WASHC2C: variants seen among roughly 807,000 people sequenced by gnomAD.
WASHC2C encodes the protein WASH complex subunit 2C, also known as Vaccinia Penetration Factor.
A neutral mutation model predicts 142.2 loss-of-function variants in WASHC2C; 73 were observed. The ratio of observed to expected loss-of-function variants is 0.51; its 90% CI spans 0.43 to 0.62. WASHC2C has a LOEUF of 0.62. Among genes scored for constraint, WASHC2C ranks in the 20% least tolerant of loss-of-function variants. The pLI is 0.00. For synonymous variants in WASHC2C, 337 were observed against 565.5 expected (o/e 0.60, Z 5.73); for missense variants, 969 against 1,531.7 (o/e 0.63, Z 6.13).
At chr10:45,756,283 GT>G (rs1471116683) in intron 15 of WASHC2C, among the ~76,000 whole-genome samples, 1 of 146,166 alleles carries the variant, frequency 6.8e-6, no homozygotes, top group East Asian at 2.0e-4. Context: ...GTGATGAAAG[GT>G]TGGAAACCAC....
At position 45,786,430 on chromosome 10, in the gene WASHC2C, G is replaced by A; in HGVS notation, c.2812-182G>A. Reference sequence around the variant, plus strand: ...AGCTTTCCACTTATGTGACAGAGGAGGAGGCATACGTGAAGTAGTGCTAGT... The same window carrying A: ...AGCTTTCCACTTATGTGACAGAGGAAGAGGCATACGTGAAGTAGTGCTAGT... On this transcript the variant is annotated intron_variant, in intron 26 of 30. Transcript: ENST00000623400. The A allele has an allele frequency of 6.3e-6, 5 of 787,740 alleles. No homozygotes were observed. The South Asian group carries it at 8.0e-5, about 13-fold the overall frequency. The allele number at this position is 787,740 out of a possible 1,614,324, so 48.8% of individuals were successfully genotyped here.
At chr10:45,768,910 G>A (rs1451389824) in intron 19 of WASHC2C, among the ~76,000 whole-genome samples, 5 of 151,918 alleles carry the variant, frequency 3.3e-5, no homozygotes, top group African/African-American at 1.2e-4. Flanking sequence ...AAGAGACATC[G>A]TGGCAGGTGT....
chr10:45,745,688 A>C (rs1458067007), intron 7 of WASHC2C, among the ~76,000 whole-genome samples: 4 of 151,892 alleles, frequency 2.6e-5, no homozygotes, highest in African/African-American at 7.3e-5. Context: ...CCGATGTGGC[A>C]CTTCTATGTG....
At chr10:45,744,595 C>A (rs1166605283) in intron 6 of WASHC2C, among the ~76,000 whole-genome samples, 1 of 152,216 alleles carries the variant, frequency 6.6e-6, no homozygotes, top group Non-Finnish European at 1.5e-5. Context: ...AGAGTACAAG[C>A]AAGTTTTTTT....
intron 23 of WASHC2C, among the ~76,000 whole-genome samples, chr10:45,784,293 C>CTCACATAT (rs1554889044): frequency 1.6e-5 from 1 of 63,660 alleles, no homozygotes; most frequent in Non-Finnish European, 3.1e-5. Flanking sequence ...TATATATACA[C>CTCACATAT]ATATATATAT....
chr10:45,766,254 G>T (rs1260365531), intron 19 of WASHC2C, among the ~76,000 whole-genome samples: 1 of 152,308 alleles, frequency 6.6e-6, no homozygotes, highest in East Asian at 1.9e-4. Flanking sequence ...TGATGAAGAA[G>T]CGGACAGTTT....
chr10:45,758,867 C>T (rs2054674339), intron 16 of WASHC2C, among the ~76,000 whole-genome samples: 1 of 149,300 alleles, frequency 6.7e-6, no homozygotes. Context: ...TGTGTGTCCC[C>T]AGCAGTCTTT....
At chr10:45,768,622 C>T (rs1903135) in intron 19 of WASHC2C, among the ~76,000 whole-genome samples, 1 of 152,100 alleles carries the variant, frequency 6.6e-6, no homozygotes, top group Admixed American at 6.5e-5. Flanking sequence ...GAGTAGAATT[C>T]CCTTAAATGC....
At chr10:45,764,402 A>C (rs1554881379) in intron 18 of WASHC2C, among the ~76,000 whole-genome samples, 2 of 151,830 alleles carry the variant, frequency 1.3e-5, no homozygotes, top group Non-Finnish European at 1.5e-5. Context: ...GGACCTGTGC[A>C]GCTCAAACCT....
At chr10:45,753,948 G>C (rs560730891) in intron 13 of WASHC2C, among the ~76,000 whole-genome samples, 1 of 151,436 alleles carries the variant, frequency 6.6e-6, no homozygotes, top group African/African-American at 2.4e-5. Context: ...ATCAGAGCTG[G>C]GCCTTGGAGG....
upstream of WASHC2C, chr10:45,727,048 C>G: frequency 2.6e-6 from 3 of 1,154,624 alleles, no homozygotes; most frequent in Non-Finnish European, 3.4e-6. Context: ...CCGCCCAACC[C>G]GCCTCTGCAG....
Position 45,789,207 on chromosome 10 carries a change from T to C in WASHC2C, c.3424T>C (p.Ser1142Pro), listed in dbSNP as rs1275141862. 3.7e-6 allele frequency: 6 copies of C among 1,611,880 alleles called. No homozygotes were observed. Among genetic ancestry groups the C allele is most frequent in the Non-Finnish European group, 5.1e-6 (6 of 1,179,858 alleles). ...GGACATTTTTTCCACGGGCACTGGATCTCAGTCCGTGGAGAGAACAAAACC... is the reference window on the plus strand; with the variant it reads ...GGACATTTTTTCCACGGGCACTGGACCTCAGTCCGTGGAGAGAACAAAACC... ...SGDIFSTGTG[S>P]QSVERTKPKA... is the part of the protein sequence containing the mutation. Residue 1142 changes from serine (S) to proline (P), a missense_variant, in exon 29 of 31, where the codon TCT becomes CCT. Coordinates refer to ENST00000623400, the MANE Select transcript of WASHC2C (RefSeq NM_001330074.2).
upstream of WASHC2C, chr10:45,727,104 C>G: frequency 1.4e-6 from 2 of 1,391,868 alleles, no homozygotes; most frequent in African/African-American, 1.5e-5. Context: ...CCGCCCCAAC[C>G]TAGGGTAGAA....
At chr10:45,752,002 C>T (rs1395404472) in intron 11 of WASHC2C, among the ~76,000 whole-genome samples, 1 of 152,102 alleles carries the variant, frequency 6.6e-6, no homozygotes, top group African/African-American at 2.4e-5. Flanking sequence ...CCTTGGAAGG[C>T]ATGTTTTGGG....
chr10:45,739,499 T>C (rs1456171524), intron 4 of WASHC2C, among the ~76,000 whole-genome samples: 3 of 151,900 alleles, frequency 2.0e-5, no homozygotes, highest in Admixed American at 6.6e-5. Flanking sequence ...TGAACAAACC[T>C]TTTTTCTTGA....
intron 3 of WASHC2C, among the ~76,000 whole-genome samples, chr10:45,732,999 C>T (rs1554862967): frequency 1.3e-5 from 2 of 152,234 alleles, no homozygotes; most frequent in Non-Finnish European, 1.5e-5. Context: ...CTCCAGCCTT[C>T]TCATTCCTTG....
chr10:45,764,403 G>C (rs1554881386), intron 18 of WASHC2C, among the ~76,000 whole-genome samples: 2 of 151,776 alleles, frequency 1.3e-5, no homozygotes, highest in Non-Finnish European at 1.5e-5. Context: ...GACCTGTGCA[G>C]CTCAAACCTG....
intron 5 of WASHC2C, among the ~76,000 whole-genome samples, chr10:45,741,056 T>C (rs1554867640): frequency 2.6e-5 from 4 of 151,704 alleles, no homozygotes; most frequent in Non-Finnish European, 1.5e-5. Context: ...CAAGCGATTC[T>C]CCTGCCCCAG....
At position 45,785,595 on chromosome 10, in the gene WASHC2C, T is replaced by C. The variant is rs782327797; in HGVS notation, c.2775T>C (p.Ser925=). ...AACATCCTGAATCCATTCAAGGTAGTAAAGAAAAAGGCATATGGAAGCCGG... is the reference window on the plus strand; with the variant it reads ...AACATCCTGAATCCATTCAAGGTAGCAAAGAAAAAGGCATATGGAAGCCGG... The part of the protein sequence containing the change: ...NQKHPESIQG[S]KEKGIWKPET... The change falls in exon 26 of 31, where the codon AGT becomes AGC. Residue 925 remains serine, a synonymous_variant. Coordinates refer to ENST00000623400, the MANE Select transcript of WASHC2C (RefSeq NM_001330074.2). The C allele has an allele frequency of 1.9e-6, 3 of 1,613,954 alleles. No individual in the cohort carries two copies. In the South Asian group the frequency reaches 3.3e-5, roughly 18 times the overall value.
Sources: gnomAD v4.1 joint callset for allele counts (sites outside exome capture counted in the v4.1 genomes callset) on GRCh38, gnomAD v4.1.1 for gene constraint, MANE v1.5 for transcripts, NCBI Gene and HGNC (gene_info 2026-07-23, HGNC 2026-07-21) for gene names.